The following CAPN13 variants were observed in gnomAD, a reference collection of about 807,000 sequenced individuals.
The protein encoded by CAPN13 is calpain-13.
CAPN13 carries 90 observed loss-of-function variants against 98.4 expected under a neutral mutation model. That is an observed-to-expected ratio of 0.92 (90% CI 0.77 to 1.09). The LOEUF (loss-of-function observed/expected upper bound fraction) is 1.09. Ranked by LOEUF, CAPN13 falls within the 50% of genes least tolerant of loss-of-function variation. CAPN13 has a pLI of 0.00. For synonymous variants in CAPN13, 330 were observed against 305.5 expected, an observed-to-expected ratio of 1.08 and a Z score of -0.84; for missense variants, 887 against 841.3, an observed-to-expected ratio of 1.05 and a Z score of -0.67.
chr2:30,790,141 G>A (rs957209067), intron 1 of CAPN13, among the ~76,000 whole-genome samples: 4 of 152,200 alleles, frequency 2.6e-5, no homozygotes, highest in South Asian at 4.1e-4. Flanking sequence ...CAGCCTGTAG[G>A]CTCATGTTCT....
At chr2:30,800,788 T>A (rs1675223878) in intron 1 of CAPN13, among the ~76,000 whole-genome samples, 1 of 152,214 alleles carries the variant, frequency 6.6e-6, no homozygotes, top group African/African-American at 2.4e-5. Flanking sequence ...GGAAATCTCC[T>A]TTCCCCTCCC....
intron 18 of CAPN13, among the ~76,000 whole-genome samples, 189 bp downstream of exon 18, chr2:30,736,313 AT>A (rs1424713352): frequency 6.6e-6 from 1 of 152,186 alleles, no homozygotes; most frequent in Admixed American, 6.5e-5. Flanking sequence ...CCGCCACCTA[AT>A]TAGGCATTGC....
At chr2:30,731,482 G>T (rs1160477733) in intron 20 of CAPN13, 83 bp from the exon 21 acceptor site, 6 of 1,196,602 alleles carry the variant, frequency 5.0e-6, no homozygotes, top group Non-Finnish European at 4.7e-6. Context: ...GGGCCCATAA[G>T]AAGCACAGGA....
chr2:30,742,057 TGAGA>T, intron 14 of CAPN13, 93 bp from the exon 15 acceptor site: 1 of 1,193,650 alleles, frequency 8.4e-7, no homozygotes, highest in Non-Finnish European at 1.2e-6. Context: ...TGCCAAGATC[TGAGA>T]AAGAGTCTTT....
At chr2:30,747,500 A>G (rs1371008537) in intron 11 of CAPN13, among the ~76,000 whole-genome samples, 1 of 152,184 alleles carries the variant, frequency 6.6e-6, no homozygotes, top group Admixed American at 6.5e-5. Context: ...TTGGGGAGGA[A>G]CTTTGAGGGA....
intron 9 of CAPN13, 65 bp downstream of exon 9, chr2:30,754,225 G>C: frequency 1.6e-6 from 2 of 1,275,872 alleles, no homozygotes; most frequent in Non-Finnish European, 1.1e-6. Flanking sequence ...TCAGGGAAAA[G>C]GGTAGGGATT....
chr2:30,788,510 C>T (rs1213293889), intron 1 of CAPN13, among the ~76,000 whole-genome samples: 1 of 152,146 alleles, frequency 6.6e-6, no homozygotes, highest in Non-Finnish European at 1.5e-5. Flanking sequence ...ATTGAAAAAC[C>T]TCTCTGGTCC....
chr2:30,771,145 A>G (rs1673389889), intron 4 of CAPN13, among the ~76,000 whole-genome samples: 1 of 152,246 alleles, frequency 6.6e-6, no homozygotes, highest in Non-Finnish European at 1.5e-5. Flanking sequence ...AGACTGTTTG[A>G]ATCTTTAGCA....
chr2:30,789,228 G>A (rs183238588), intron 1 of CAPN13, among the ~76,000 whole-genome samples: 50 of 152,304 alleles, frequency 3.3e-4, no homozygotes, highest in African/African-American at 9.6e-4. Flanking sequence ...GACAAAAGGC[G>A]ATGGCACTCG....
intron 10 of CAPN13, 104 bp downstream of exon 10, chr2:30,752,949 T>C (rs1239274073): frequency 8.7e-6 from 11 of 1,270,162 alleles, no homozygotes; most frequent in Non-Finnish European, 1.2e-5. Flanking sequence ...AGCTTCAGGC[T>C]CATGGTCCAG....
chr2:30,803,595 G>A (rs1486673526), intron 1 of CAPN13, among the ~76,000 whole-genome samples: 1 of 152,158 alleles, frequency 6.6e-6, no homozygotes, highest in Admixed American at 6.5e-5. Context: ...CCAGAGTCCT[G>A]GCTGTCCTCC....
chr2:30,727,306 T>C (rs368821596), intron 22 of CAPN13, among the ~76,000 whole-genome samples: 1 of 152,100 alleles, frequency 6.6e-6, no homozygotes, highest in Non-Finnish European at 1.5e-5. Context: ...AAGAAAACAA[T>C]AGATAAATTA....
At chr2:30,788,063 T>C (rs1045429762) in intron 1 of CAPN13, among the ~76,000 whole-genome samples, 6 of 152,008 alleles carry the variant, frequency 3.9e-5, no homozygotes, top group African/African-American at 4.8e-5. Flanking sequence ...TGTAACTTTA[T>C]AGGTGGAGAA....
At chr2:30,784,561 C>G (rs557967642) in intron 2 of CAPN13, among the ~76,000 whole-genome samples, 10 of 152,316 alleles carry the variant, frequency 6.6e-5, no homozygotes, top group Non-Finnish European at 1.3e-4. Flanking sequence ...GGGATTGATT[C>G]CTGTTTTACT....
At position 30,732,523 on chromosome 2, in the gene CAPN13, C is replaced by A; in HGVS notation, c.1842G>T (p.Leu614=). The part of the protein sequence containing the change: ...GIFISRELLH[L]VTLRYSDSVG... ...CGCTGTCGCTGTACCTGAGGGTCACCAGATGCAGCAGCTCACGGCTGATGA... is the reference window on the plus strand; with the variant it reads ...CGCTGTCGCTGTACCTGAGGGTCACAAGATGCAGCAGCTCACGGCTGATGA... The change falls in exon 20 of 23, where the codon CTG becomes CTT. Residue 614 remains leucine, a synonymous_variant. Coordinates refer to ENST00000295055, the MANE Select transcript of CAPN13 (RefSeq NM_144575.3). 1 of 1,611,304 alleles carries A rather than the reference C, an allele frequency of 6.2e-7. No homozygotes were observed. The highest frequency in any genetic ancestry group is 8.5e-7 in the Non-Finnish European group (1 of 1,178,878).
Position 30,736,536 on chromosome 2 carries a change from A to G in CAPN13, c.1689T>C (p.Phe563=). 1 of 1,614,020 alleles carries G rather than the reference A, an allele frequency of 6.2e-7. No individual in the cohort carries two copies. Among genetic ancestry groups the G allele is most frequent in the Non-Finnish European group, 8.5e-7 (1 of 1,179,892 alleles). ...KVNGRLDQEE[F]ARLWKRLVHY... is the part of the protein sequence containing the mutation. Reference sequence around the variant, plus strand: ...GAACAAGGCGCTTCCACAGTCGCGCAAACTCCTCTTGGTCTAGCCGCCCAT... The same window carrying G: ...GAACAAGGCGCTTCCACAGTCGCGCGAACTCCTCTTGGTCTAGCCGCCCAT... Residue 563 remains phenylalanine (F), a synonymous_variant, in exon 18 of 23, where the codon TTT becomes TTC. Transcript: ENST00000295055.
intron 15 of CAPN13, among the ~76,000 whole-genome samples, chr2:30,739,779 G>C (rs115767246): frequency 6.6e-6 from 1 of 152,148 alleles, no homozygotes; most frequent in Non-Finnish European, 1.5e-5. Context: ...CCAACCAAAA[G>C]AGTCTGAGGA....
intron 4 of CAPN13, among the ~76,000 whole-genome samples, chr2:30,771,315 G>A (rs1673397411): frequency 6.6e-6 from 1 of 152,230 alleles, no homozygotes; most frequent in Non-Finnish European, 1.5e-5. Context: ...TCCACTGGGT[G>A]GACTCCATGG....
At chr2:30,802,230 C>T (rs1431793165) in intron 1 of CAPN13, among the ~76,000 whole-genome samples, 1 of 152,058 alleles carries the variant, frequency 6.6e-6, no homozygotes, top group Admixed American at 6.5e-5. Flanking sequence ...ACTAAGGGAG[C>T]CATTCCCTTT....
Sources: allele counts gnomAD v4.1 joint callset (sites outside exome capture counted in the v4.1 genomes callset), GRCh38; gene constraint gnomAD v4.1.1; transcripts MANE v1.5; gene names NCBI Gene and HGNC (gene_info 2026-07-23, HGNC 2026-07-21).